PCDH9: variants seen among roughly 807,000 people sequenced by gnomAD.
The protein encoded by PCDH9 is protocadherin-9.
Under a neutral mutation model 70.6 loss-of-function variants are expected in PCDH9, and 24 were observed. The ratio of observed to expected loss-of-function variants is 0.34; its 90% CI spans 0.25 to 0.48. The LOEUF (loss-of-function observed/expected upper bound fraction) is 0.48. Among genes scored for constraint, PCDH9 ranks in the 20% least tolerant of loss-of-function variants. The pLI, the probability that PCDH9 is intolerant of heterozygous loss-of-function variation, is 0.99. For missense variants in PCDH9, 1,281 were observed against 1,503.6 expected, an observed-to-expected ratio of 0.85 and a Z score of 2.45; for synonymous variants, 562 against 558.5, an observed-to-expected ratio of 1.01 and a Z score of -0.09.
At chr13:66,619,290 A>C (rs2077394422) in intron 4 of PCDH9, among the ~76,000 whole-genome samples, 1 of 152,292 alleles carries the variant, frequency 6.6e-6, no homozygotes, top group East Asian at 1.9e-4. Flanking sequence ...CAATGAACAC[A>C]CTGTAGCAAA....
intron 4 of PCDH9, among the ~76,000 whole-genome samples, chr13:66,478,342 A>T (rs1958771413): frequency 6.6e-6 from 1 of 152,316 alleles, no homozygotes; most frequent in South Asian, 2.1e-4. Flanking sequence ...TAGTAAGCCT[A>T]CGATGGCCTC....
intron 3 of PCDH9, among the ~76,000 whole-genome samples, chr13:66,861,931 C>T (rs1594166954): frequency 6.6e-6 from 1 of 152,122 alleles, no homozygotes; most frequent in Non-Finnish European, 1.5e-5. Context: ...ACATTTTTAT[C>T]TCCTCTCTTT....
At chr13:66,671,071 A>G (rs979582976) in intron 3 of PCDH9, among the ~76,000 whole-genome samples, 14 of 152,122 alleles carry the variant, frequency 9.2e-5, no homozygotes, top group Non-Finnish European at 2.1e-4. Flanking sequence ...TTCTCATGAT[A>G]GTGAATAAGT....
At chr13:66,798,718 G>A (rs748635240) in intron 3 of PCDH9, among the ~76,000 whole-genome samples, 8 of 152,134 alleles carry the variant, frequency 5.3e-5, no homozygotes, top group Non-Finnish European at 1.2e-4. Context: ...TGAAGAAGGT[G>A]CTTTTAATTT....
At chr13:66,644,699 A>C (rs1593829688) in intron 3 of PCDH9, among the ~76,000 whole-genome samples, 1 of 151,762 alleles carries the variant, frequency 6.6e-6, no homozygotes, top group South Asian at 2.1e-4. Flanking sequence ...CATATATTTC[A>C]AAAAAAAGTA....
At chr13:66,502,314 CTG>C (rs1462120799) in intron 4 of PCDH9, among the ~76,000 whole-genome samples, 4 of 152,196 alleles carry the variant, frequency 2.6e-5, no homozygotes, top group East Asian at 1.9e-4. Flanking sequence ...TAATACATGA[CTG>C]TGAGAAAATT....
At chr13:66,482,528 A>G (rs1401842493) in intron 4 of PCDH9, among the ~76,000 whole-genome samples, 4 of 152,184 alleles carry the variant, frequency 2.6e-5, no homozygotes, top group Admixed American at 2.6e-4. Context: ...TCAAATTGTC[A>G]TGATGGGTTT....
chr13:66,888,936 C>T (rs1452079218), intron 3 of PCDH9, among the ~76,000 whole-genome samples: 1 of 152,066 alleles, frequency 6.6e-6, no homozygotes. Flanking sequence ...ATAAAAATGA[C>T]ATAAGAAGTT....
At chr13:66,527,755 C>T (rs894731405) in intron 4 of PCDH9, among the ~76,000 whole-genome samples, 2 of 152,124 alleles carry the variant, frequency 1.3e-5, no homozygotes, top group African/African-American at 2.4e-5. Context: ...CAGTGGCTTA[C>T]GTCTGTAATC....
intron 4 of PCDH9, among the ~76,000 whole-genome samples, chr13:66,589,688 G>T (rs1280427506): frequency 6.6e-6 from 1 of 152,022 alleles, no homozygotes; most frequent in East Asian, 1.9e-4. Context: ...GAGCAGCGAT[G>T]AATCCTTCCA....
At chr13:66,808,562 G>T (rs1321230057) in intron 3 of PCDH9, among the ~76,000 whole-genome samples, 2 of 152,132 alleles carry the variant, frequency 1.3e-5, no homozygotes, top group Non-Finnish European at 2.9e-5. Flanking sequence ...ATTTGAGGAC[G>T]TGTAAACCAG....
In PCDH9 at chr13:66,647,631, G is replaced by A. The variant is rs552468589; in HGVS notation, c.3139-16220C>T. Among the ~76,000 whole-genome samples, 13 of 152,246 alleles carry A rather than the reference G, an allele frequency of 8.5e-5. No individual in the cohort carries two copies. The South Asian group carries it at 2.5e-3, about 29-fold the overall frequency. On this transcript the variant is annotated intron_variant, in intron 3 of 4. Coordinates refer to ENST00000377865, the MANE Select transcript of PCDH9 (RefSeq NM_203487.3). The stretch of plus-strand genomic sequence containing the variant: ...GTGACCGAGAACATTCCCAGCTGTG[G>A]TGGCTATGGGAGAGAAAAATCTTTC...
intron 4 of PCDH9, among the ~76,000 whole-genome samples, chr13:66,525,698 G>T (rs76203550): frequency 2.0e-5 from 3 of 152,024 alleles, no homozygotes; most frequent in African/African-American, 7.2e-5. Flanking sequence ...AAGTTTCAAG[G>T]TGTTAAGATG....
intron 4 of PCDH9, among the ~76,000 whole-genome samples, chr13:66,512,059 T>G (rs1308729133): frequency 1.3e-5 from 2 of 152,120 alleles, no homozygotes; most frequent in African/African-American, 2.4e-5. Context: ...TAATGAAGCT[T>G]AACTTTTGGG....
At chr13:67,115,924 G>A (rs1927826) in intron 2 of PCDH9, among the ~76,000 whole-genome samples, 40,277 of 152,018 alleles carry the variant, frequency 0.26, 5,785 homozygotes, top group East Asian at 0.61. Context: ...AAGAATGGTA[G>A]CACAGCTTAG....
At chr13:66,906,214 C>T (rs115103842) in intron 2 of PCDH9, among the ~76,000 whole-genome samples, 1,691 of 152,148 alleles carry the variant, frequency 0.011, 34 homozygotes, top group African/African-American at 0.039. Context: ...TAGAGAGTCT[C>T]GAGAGGTGGA....
At chr13:66,853,745 T>A (rs2081351694) in intron 3 of PCDH9, among the ~76,000 whole-genome samples, 1 of 141,038 alleles carries the variant, frequency 7.1e-6, no homozygotes, top group Non-Finnish European at 1.6e-5. Context: ...AATCATTTCC[T>A]TTTTTTTTTT....
intron 3 of PCDH9, among the ~76,000 whole-genome samples, chr13:66,718,496 T>A (rs560153535): frequency 6.6e-6 from 1 of 152,218 alleles, no homozygotes; most frequent in Admixed American, 6.5e-5. Context: ...AAAAAATGAA[T>A]CCATGTTTAT....
intron 3 of PCDH9, among the ~76,000 whole-genome samples, chr13:66,889,905 A>T (rs1452053096): frequency 6.6e-6 from 1 of 152,166 alleles, no homozygotes; most frequent in Non-Finnish European, 1.5e-5. Context: ...CATGGGGATG[A>T]TGAGTTTGGG....
Sources: gnomAD v4.1 joint callset for allele counts (sites outside exome capture counted in the v4.1 genomes callset) on GRCh38, gnomAD v4.1.1 for gene constraint, MANE v1.5 for transcripts, NCBI Gene and HGNC (gene_info 2026-07-23, HGNC 2026-07-21) for gene names.